The following USP34 variants were observed in gnomAD, a reference collection of about 807,000 sequenced individuals.
USP34 encodes ubiquitin carboxyl-terminal hydrolase 34.
A neutral mutation model predicts 460.3 loss-of-function variants in USP34; 70 were observed. The ratio of observed to expected loss-of-function variants is 0.15; its 90% CI spans 0.13 to 0.19. USP34 has a LOEUF of 0.19. Ranked by LOEUF, USP34 falls within the 10% of genes least tolerant of loss-of-function variation. The probability of loss-of-function intolerance (pLI) is 1.00; values close to 1 mark genes in which losing one functional copy is unlikely to be tolerated. For missense variants in USP34, 3,985 were observed against 4,236.2 expected, an observed-to-expected ratio of 0.94 and a Z score of 1.65; for synonymous variants, 1,647 against 1,405.3, an observed-to-expected ratio of 1.17 and a Z score of -3.85.
intron 1 of USP34, among the ~76,000 whole-genome samples, chr2:61,461,967 C>T (rs900847010): frequency 1.3e-5 from 2 of 152,032 alleles, no homozygotes; most frequent in African/African-American, 4.8e-5. Flanking sequence ...CAGCCAGACG[C>T]GGTGGCTCAC....
intron 2 of USP34, among the ~76,000 whole-genome samples, chr2:61,414,909 G>A (rs1236176297): frequency 6.6e-6 from 1 of 152,132 alleles, no homozygotes; most frequent in Non-Finnish European, 1.5e-5. Flanking sequence ...CCAGTCAGAG[G>A]CTGAAGTTAC....
intron 66 of USP34, among the ~76,000 whole-genome samples, chr2:61,221,073 GCT>G (rs1321586763): frequency 6.6e-6 from 1 of 152,176 alleles, no homozygotes; most frequent in African/African-American, 2.4e-5. Context: ...TAAAATATTT[GCT>G]CTCTGACCCT....
intron 27 of USP34, among the ~76,000 whole-genome samples, chr2:61,309,933 T>C (rs1201514156): frequency 6.6e-6 from 1 of 152,152 alleles, no homozygotes; most frequent in Non-Finnish European, 1.5e-5. Flanking sequence ...CTTTATCTAA[T>C]AGTAGCTACA....
chr2:61,313,270 C>T (rs1454125502), intron 25 of USP34, among the ~76,000 whole-genome samples: 2 of 151,722 alleles, frequency 1.3e-5, no homozygotes, highest in African/African-American at 4.8e-5. Context: ...ATTTGTACAT[C>T]TGAGAAGGAA....
At chr2:61,470,241 CAA>C (rs1281182233) in intron 1 of USP34, among the ~76,000 whole-genome samples, 2 of 152,154 alleles carry the variant, frequency 1.3e-5, no homozygotes, top group Non-Finnish European at 2.9e-5. Context: ...CGCTGGAAAT[CAA>C]AGAGGGCGGC....
At chr2:61,412,337 G>A (rs1016078465) in intron 2 of USP34, among the ~76,000 whole-genome samples, 9 of 151,910 alleles carry the variant, frequency 5.9e-5, no homozygotes, top group East Asian at 3.8e-4. Context: ...AAAATATTAC[G>A]TTACTGAAAT....
At chr2:61,228,017 T>A (rs954396791) in intron 61 of USP34, among the ~76,000 whole-genome samples, 4 of 152,216 alleles carry the variant, frequency 2.6e-5, no homozygotes, top group African/African-American at 7.2e-5. Context: ...GTGTATATTC[T>A]GTGAAGCATT....
At chr2:61,239,875 G>A (rs886566064) in intron 53 of USP34, among the ~76,000 whole-genome samples, 1 of 151,980 alleles carries the variant, frequency 6.6e-6, no homozygotes, top group Admixed American at 6.6e-5. Context: ...GCTGGGTGTG[G>A]TGGCGGGTGC....
intron 1 of USP34, among the ~76,000 whole-genome samples, chr2:61,448,212 G>A (rs368910370): frequency 1.9e-4 from 29 of 152,320 alleles, no homozygotes; most frequent in African/African-American, 7.0e-4. Flanking sequence ...GAATGCCCAT[G>A]TCTATAATCC....
chr2:61,382,939 T>C (rs1011635434), intron 6 of USP34, among the ~76,000 whole-genome samples: 3 of 152,224 alleles, frequency 2.0e-5, no homozygotes, highest in African/African-American at 7.2e-5. Flanking sequence ...TTTTTGCAAT[T>C]TGTTTTCTTC....
At chr2:61,453,341 A>T (rs749271343) in intron 1 of USP34, among the ~76,000 whole-genome samples, 2 of 151,642 alleles carry the variant, frequency 1.3e-5, no homozygotes, top group Non-Finnish European at 2.9e-5. Context: ...TTAAGCCTGG[A>T]AAGTAGCGTT....
intron 43 of USP34, among the ~76,000 whole-genome samples, chr2:61,262,116 A>AAAATATAT (rs1553359480): frequency 8.4e-5 from 4 of 47,402 alleles, no homozygotes; most frequent in African/African-American, 3.3e-4. Context: ...AAAAAAAAAA[A>AAAATATAT]ATATATATAT....
chr2:61,371,501 C>T (rs1351898797), intron 8 of USP34, among the ~76,000 whole-genome samples: 2 of 148,262 alleles, frequency 1.3e-5, no homozygotes, highest in African/African-American at 4.9e-5. Context: ...AGAAAAAATA[C>T]TTTTGTACAG....
intron 41 of USP34, among the ~76,000 whole-genome samples, chr2:61,270,098 G>A (rs758784945): frequency 3.3e-5 from 5 of 152,080 alleles, no homozygotes; most frequent in Non-Finnish European, 7.4e-5. Flanking sequence ...AATTGCCATG[G>A]CCTAAATGTT....
intron 29 of USP34, among the ~76,000 whole-genome samples, chr2:61,299,718 C>T (rs1690161515): frequency 6.6e-6 from 1 of 152,178 alleles, no homozygotes; most frequent in Non-Finnish European, 1.5e-5. Context: ...TACCACTGCA[C>T]TGCAGCCTGG....
intron 38 of USP34, 114 bp downstream of exon 38, chr2:61,280,976 A>T (rs1689519954): frequency 8.6e-7 from 1 of 1,164,012 alleles, no homozygotes; most frequent in South Asian, 1.6e-5. Context: ...CTCTTGGTAA[A>T]AAATCACATA....
At position 61,259,995 on chromosome 2, in the gene USP34, C is replaced by T. The variant is rs540067992; in HGVS notation, c.5779-219G>A. Among the ~76,000 whole-genome samples the T allele has an allele frequency of 6.2e-4, 95 of 152,094 alleles. 1 individual carries two copies. Among genetic ancestry groups the T allele is most frequent in the African/African-American group, 2.2e-3 (91 of 41,486 alleles). ...AGCTATTACTATCTTATAAGGAAACCGAAGAGAGAATTTTAAAAATCACTT... is the reference window on the plus strand; with the variant it reads ...AGCTATTACTATCTTATAAGGAAACTGAAGAGAGAATTTTAAAAATCACTT... On this transcript the variant is annotated intron_variant, in intron 43 of 79. Coordinates refer to ENST00000398571, the MANE Select transcript of USP34 (RefSeq NM_014709.4).
intron 57 of USP34, among the ~76,000 whole-genome samples, chr2:61,232,866 C>G (rs1045357877): frequency 4.3e-5 from 5 of 116,736 alleles, no homozygotes; most frequent in African/African-American, 1.6e-4. Flanking sequence ...ATATTCCCCC[C>G]CCCCTTTTTT....
chr2:61,434,263 T>C (rs941103274), intron 1 of USP34, among the ~76,000 whole-genome samples: 14 of 152,092 alleles, frequency 9.2e-5, no homozygotes, highest in African/African-American at 3.4e-4. Context: ...TCGTCCCTGA[T>C]GGGCATCCCC....
Sources: allele counts gnomAD v4.1 joint callset (sites outside exome capture counted in the v4.1 genomes callset), GRCh38; gene constraint gnomAD v4.1.1; transcripts MANE v1.5; gene names NCBI Gene and HGNC (gene_info 2026-07-23, HGNC 2026-07-21).